Variants in CFLAR observed in about 807,000 individuals in gnomAD.
CFLAR encodes CASP8 and FADD like apoptosis regulator.
Under a neutral mutation model 51.1 loss-of-function variants are expected in CFLAR, and 14 were observed. The ratio of observed to expected loss-of-function variants is 0.27; its 90% CI spans 0.18 to 0.43. The LOEUF (loss-of-function observed/expected upper bound fraction) is 0.43. Ranked by LOEUF, CFLAR falls within the 20% of genes least tolerant of loss-of-function variation. CFLAR has a pLI of 1.00. For synonymous variants in CFLAR, 210 were observed against 211.6 expected (o/e 0.99, Z 0.06); for missense variants, 390 against 566.5 (o/e 0.69, Z 3.16).
Position 201,140,373 on chromosome 2 carries a change from A to C in CFLAR, c.540A>C (p.Thr180=). Residue 180 remains threonine, a synonymous_variant, in exon 5 of 10, where the codon ACA becomes ACC. Coordinates refer to ENST00000309955, the MANE Select transcript of CFLAR (RefSeq NM_003879.7). ...KYKQSVQGAG[T]SYRNVLQAAI... is the part of the protein sequence containing the mutation. ...CTTTTATAGTTCAAGGAGCAGGGAC[A>C]AGTTACAGGAATGTTCTCCAAGCAG... is the stretch of plus-strand genomic sequence containing the variant. 1 of 1,609,800 alleles carries C rather than the reference A, an allele frequency of 6.2e-7. No individual in the cohort carries two copies. Among genetic ancestry groups the C allele is most frequent in the Non-Finnish European group, 8.5e-7 (1 of 1,178,450 alleles).
chr2:201,163,076 T>C (rs1352190863), intron 9 of CFLAR: 1 of 753,034 alleles, frequency 1.3e-6, no homozygotes. Context: ...CTAGATGTCC[T>C]ATAGGATGGT....
At chr2:201,149,277 C>G in intron 7 of CFLAR, 1 of 446,092 alleles carries the variant, frequency 2.2e-6, no homozygotes, top group Admixed American at 3.6e-5. Context: ...CAAAGTAGCA[C>G]TCCTCATCTC....
At position 201,138,393 on chromosome 2, in the gene CFLAR, T is replaced by C; in HGVS notation, c.524-1964T>C. Reference sequence around the variant, plus strand: ...TCTCGGTTCTTCAGCGCGGTGCAGGTGATAATGGCCACCAGCTCATCGCGA... The same window carrying C: ...TCTCGGTTCTTCAGCGCGGTGCAGGCGATAATGGCCACCAGCTCATCGCGA... On this transcript the variant is annotated intron_variant, in intron 4 of 9. Transcript: ENST00000309955. The surrounding 1 kb of genome is among the most constrained non-coding windows in gnomAD (Gnocchi z 4.0). The C allele has an allele frequency of 1.3e-6, 1 of 779,068 alleles. No individual in the cohort carries two copies. The highest frequency in any genetic ancestry group is 2.4e-6 in the Non-Finnish European group (1 of 424,422). The allele number at this position is 779,068 out of a possible 1,614,324, so 48.3% of individuals were successfully genotyped here.
rs949702492 is a variant in CFLAR at position 201,175,682 on chromosome 2, G to A, written c.*11709G>A. ...TTAACGGAAGTTGTTACTGGTGGACGGTATCCAAGTTACTGGTGGTAAATC... is the reference window on the plus strand; with the variant it reads ...TTAACGGAAGTTGTTACTGGTGGACAGTATCCAAGTTACTGGTGGTAAATC... On this transcript the variant is annotated 3_prime_UTR_variant, in exon 10 of 10. Transcript: ENST00000309955. The A allele has an allele frequency of 2.0e-5, 3 of 152,112 alleles. No individual in the cohort carries two copies. Among genetic ancestry groups the A allele is most frequent in the African/African-American group, 7.2e-5 (3 of 41,406 alleles). The allele number at this position is 152,112 out of a possible 1,614,324, so 9.4% of individuals were successfully genotyped here.
rs185135122 is a variant in CFLAR, at chr2:201,136,256, G to A, written c.523+149G>A. 8.1e-5 allele frequency: 130 copies of A among 1,602,710 alleles called. No individual in the cohort carries two copies. The East Asian group carries it at 2.1e-3, about 26-fold the overall frequency. ...CCTTTAGCTTGTGGCTAGAAATCGC[G>A]TCCCTTTATATTCTTCATATCCCAG... is the stretch of plus-strand genomic sequence containing the variant. On this transcript the variant is annotated intron_variant, in intron 4 of 9. Coordinates refer to ENST00000309955, the MANE Select transcript of CFLAR (RefSeq NM_003879.7).
intron 5 of CFLAR, chr2:201,144,188 G>A (rs1420407044): frequency 6.6e-6 from 1 of 152,196 alleles, no homozygotes; most frequent in Non-Finnish European, 1.5e-5. Context: ...TTAACAGATA[G>A]TGTATTTCAC....
At chr2:201,122,016 T>A (rs971506294) in intron 1 of CFLAR, among the ~76,000 whole-genome samples, 5 of 152,274 alleles carry the variant, frequency 3.3e-5, no homozygotes, top group African/African-American at 1.2e-4. Flanking sequence ...GAAGTGAGGC[T>A]AAGCCATAGG....
chr2:201,125,018 G>T (rs1444840352), intron 1 of CFLAR, among the ~76,000 whole-genome samples: 1 of 152,132 alleles, frequency 6.6e-6, no homozygotes, highest in African/African-American at 2.4e-5. Context: ...GGCAAACGAG[G>T]CACTGGCTTC....
intron 1 of CFLAR, among the ~76,000 whole-genome samples, chr2:201,126,303 A>T (rs1357659692): frequency 6.6e-6 from 1 of 152,212 alleles, no homozygotes; most frequent in Non-Finnish European, 1.5e-5. Context: ...CTTTAAGACT[A>T]TTACAAGGTG....
chr2:201,144,603 G>T (rs1939717496), intron 5 of CFLAR, among the ~76,000 whole-genome samples: 1 of 152,142 alleles, frequency 6.6e-6, no homozygotes, highest in Admixed American at 6.6e-5. Context: ...CTTGCTCGAG[G>T]TTACATAGCT....
At position 201,163,995 on chromosome 2, in the gene CFLAR, G is replaced by A. The variant is rs147979169; in HGVS notation, c.*22G>A. 1,364 of 1,604,022 alleles carry A rather than the reference G, an allele frequency of 8.5e-4. 17 individuals are homozygous for A. The African/African-American group carries it at 0.017, about 20-fold the overall frequency. On this transcript the variant is annotated 3_prime_UTR_variant, in exon 10 of 10. Transcript: ENST00000309955. The stretch of plus-strand genomic sequence containing the variant: ...ATAAGAAACCAAAAGGCTGGGCGTA[G>A]TGGCTCACACCTGTAATCCCAGCAC...
rs1227727042 is a variant in CFLAR at position 201,171,845 on chromosome 2, T to TA, written c.*7873dup. On this transcript the variant is annotated 3_prime_UTR_variant, in exon 10 of 10. Transcript: ENST00000309955. ...GCCAAATTGAACAGCTCATATCTCC[T>TA]ACCTCTGGATCTTTGGTTCTGGTGA... 6.6e-6 allele frequency: 1 copy of TA among 152,154 alleles called. No individual in the cohort carries two copies. The highest frequency in any genetic ancestry group is 2.4e-5 in the African/African-American group (1 of 41,376). The allele number at this position is 152,154 out of a possible 1,614,324, so 9.4% of individuals were successfully genotyped here.
Position 201,138,647 on chromosome 2 carries a change from A to G in CFLAR, c.524-1710A>G. On this transcript the variant is annotated intron_variant, in intron 4 of 9. Coordinates refer to ENST00000309955, the MANE Select transcript of CFLAR (RefSeq NM_003879.7). The surrounding 1 kb of genome is among the most constrained non-coding windows in gnomAD (Gnocchi z 4.0). ...CAGTGATGGGGATGCCAGAGAAGCC[A>G]TGACGCATCTTGGCCTCCAACACAT... is the stretch of plus-strand genomic sequence containing the variant. The G allele has an allele frequency of 7.7e-7, 1 of 1,291,122 alleles. No homozygotes were observed. The highest frequency in any genetic ancestry group is 1.1e-6 in the Non-Finnish European group (1 of 900,094). The allele number at this position is 1,291,122 out of a possible 1,614,324, so 80.0% of individuals were successfully genotyped here.
intron 1 of CFLAR, chr2:201,117,280 T>C (rs188373671): frequency 6.6e-6 from 1 of 152,312 alleles, no homozygotes; most frequent in East Asian, 1.9e-4. Context: ...TTCTGCCACT[T>C]TTCCACCGCC....
At chr2:201,123,218 A>C (rs1171047682) in intron 1 of CFLAR, among the ~76,000 whole-genome samples, 1 of 152,228 alleles carries the variant, frequency 6.6e-6, no homozygotes, top group African/African-American at 2.4e-5. Context: ...CATAAGTGTT[A>C]GGAACCAAGG....
intron 5 of CFLAR, among the ~76,000 whole-genome samples, chr2:201,142,136 C>G (rs926557958): frequency 6.6e-6 from 1 of 151,898 alleles, no homozygotes; most frequent in Non-Finnish European, 1.5e-5. Context: ...ATTAGCTGGG[C>G]ATGATGGTGT....
In CFLAR at chr2:201,148,983, T is replaced by TTC; in HGVS notation, c.662-11_662-10dup. The TTC allele has an allele frequency of 1.9e-6, 3 of 1,602,100 alleles. No individual in the cohort carries two copies. The highest frequency in any genetic ancestry group is 2.6e-6 in the Non-Finnish European group (3 of 1,169,090). On this transcript the variant is annotated intron_variant, in intron 6 of 9. Coordinates refer to ENST00000309955, the MANE Select transcript of CFLAR (RefSeq NM_003879.7). ...GCTCTCCTTCAGCTTTGTAAATGGTTTCTCTCTCTCATCCCCCAGAAGAAC... is the reference window on the plus strand; with the variant it reads ...GCTCTCCTTCAGCTTTGTAAATGGTTTCTCTCTCTCTCATCCCCCAGAAGAAC...
In CFLAR at chr2:201,116,540, G is replaced by A. The variant is rs2047596644; in HGVS notation, c.-138+59G>A. 1 of 152,888 alleles carries A rather than the reference G, an allele frequency of 6.5e-6. No homozygotes were observed. The highest frequency in any genetic ancestry group is 2.4e-5 in the African/African-American group (1 of 41,452). 9.5% of individuals were successfully genotyped at this position (152,888 alleles called of 1,614,324 possible). A position where few individuals can be genotyped will look rare whatever the true frequency, so the allele number is the denominator to read the frequency against. ...GCGCCGGAGCTGTCCCAGACCCCAAGCCCCGACGCCCGGCCCTGAGTCAGC... is the reference window on the plus strand; with the variant it reads ...GCGCCGGAGCTGTCCCAGACCCCAAACCCCGACGCCCGGCCCTGAGTCAGC... On this transcript the variant is annotated intron_variant, in intron 1 of 9. Transcript: ENST00000309955. This position sits in a 1 kb window ranked among gnomAD's most constrained non-coding sequence, Gnocchi z 4.8.
At chr2:201,145,952 C>G (rs1940054955) in intron 6 of CFLAR, among the ~76,000 whole-genome samples, 2 of 151,856 alleles carry the variant, frequency 1.3e-5, no homozygotes, top group Admixed American at 6.6e-5. Flanking sequence ...TCCCATAGAT[C>G]ATTTTTTAAA....
Sources: gnomAD v4.1 joint callset for allele counts (sites outside exome capture counted in the v4.1 genomes callset) on GRCh38, gnomAD v4.1.1 for gene constraint, Gnocchi (gnomAD v3.1) non-coding constraint, MANE v1.5 for transcripts, NCBI Gene and HGNC (gene_info 2026-07-23, HGNC 2026-07-21) for gene names.